The following ZFP91 variants were observed in gnomAD, a reference collection of about 807,000 sequenced individuals.
ZFP91 encodes the protein E3 ubiquitin-protein ligase ZFP91.
Under a neutral mutation model 63.5 loss-of-function variants are expected in ZFP91, and 7 were observed. The ratio of observed to expected loss-of-function variants is 0.11; its 90% CI spans 0.06 to 0.21. The LOEUF (loss-of-function observed/expected upper bound fraction) is 0.21, where lower values mean the gene tolerates loss of function less well. ZFP91 is among the 10% of genes least tolerant of loss of function. The probability of loss-of-function intolerance (pLI) is 1.00; values close to 1 mark genes in which losing one functional copy is unlikely to be tolerated. For missense variants in ZFP91, 628 were observed against 736.6 expected (o/e 0.85, Z 1.71); for synonymous variants, 330 against 272.1 (o/e 1.21, Z -2.10).
chr11:58,591,820 G>T (rs1855311403), intron 2 of ZFP91, among the ~76,000 whole-genome samples: 2 of 152,174 alleles, frequency 1.3e-5, no homozygotes, highest in African/African-American at 2.4e-5. Flanking sequence ...GATGGAAGTG[G>T]TCCAATGTAG....
Position 58,610,329 on chromosome 11 carries a change from C to T in ZFP91, c.612C>T (p.Gly204=). The change falls in exon 4 of 11, where the codon GGC becomes GGT. Residue 204 remains glycine, a synonymous_variant. Transcript: ENST00000316059. ...GAGAAGAGCATCAGTCTCCAGGTGGCATTAGGTAAAAAAAACATTAATATT... is the reference window on the plus strand; with the variant it reads ...GAGAAGAGCATCAGTCTCCAGGTGGTATTAGGTAAAAAAAACATTAATATT... The part of the protein sequence containing the change: ...DVGEEHQSPG[G]ISSEEEEEEE... The T allele has an allele frequency of 6.3e-7, 1 of 1,586,438 alleles. No individual in the cohort carries two copies. The highest frequency in any genetic ancestry group is 8.5e-7 in the Non-Finnish European group (1 of 1,172,024).
In ZFP91 at chr11:58,584,892, T is replaced by G; in HGVS notation, c.370+8T>G. 1 of 1,519,348 alleles carries G rather than the reference T, an allele frequency of 6.6e-7. No individual in the cohort carries two copies. Among genetic ancestry groups the G allele is most frequent in the Non-Finnish European group, 8.8e-7 (1 of 1,142,552 alleles). The allele number at this position is 1,519,348 out of a possible 1,614,324, so 94.1% of individuals were successfully genotyped here. The stretch of plus-strand genomic sequence containing the variant: ...AAGTAACAACTGATAAAGGTAAGAC[T>G]TGGTCATCCTTACCTCTAGCGTACA... On this transcript the variant is annotated splice_region_variant and intron_variant, in intron 2 of 10. Coordinates refer to ENST00000316059, the MANE Select transcript of ZFP91 (RefSeq NM_053023.5).
intron 2 of ZFP91, among the ~76,000 whole-genome samples, chr11:58,600,944 G>T (rs964345273): frequency 2.0e-5 from 3 of 151,936 alleles, no homozygotes; most frequent in Non-Finnish European, 2.9e-5. Context: ...TATTAATGTG[G>T]GATATTACAT....
intron 2 of ZFP91, among the ~76,000 whole-genome samples, chr11:58,602,973 C>CG (rs1855515013): frequency 6.6e-6 from 1 of 151,604 alleles, no homozygotes; most frequent in African/African-American, 2.4e-5. Context: ...GAGTGAAACT[C>CG]TGTCTCAAAA....
intron 2 of ZFP91, among the ~76,000 whole-genome samples, chr11:58,606,335 G>A (rs2134413915): frequency 6.6e-6 from 1 of 152,262 alleles, no homozygotes; most frequent in South Asian, 2.1e-4. Flanking sequence ...CCAGAGTGCT[G>A]GGATTACAGG....
intron 1 of ZFP91, among the ~76,000 whole-genome samples, chr11:58,579,866 A>T (rs891495489): frequency 2.0e-4 from 30 of 151,742 alleles, no homozygotes; most frequent in African/African-American, 7.0e-4. Context: ...CTTTTGATAC[A>T]CCCCTGCACT....
At chr11:58,615,504 T>C (rs1294656511) in intron 9 of ZFP91, among the ~76,000 whole-genome samples, 1 of 152,280 alleles carries the variant, frequency 6.6e-6, no homozygotes, top group East Asian at 1.9e-4. Flanking sequence ...GTTTTACTTT[T>C]GCAAATTAGT....
In ZFP91 at chr11:58,617,895, C is replaced by T. The variant is rs1000365042; in HGVS notation, c.*189C>T. On this transcript the variant is annotated 3_prime_UTR_variant, in exon 11 of 11. Coordinates refer to ENST00000316059, the MANE Select transcript of ZFP91 (RefSeq NM_053023.5). This position sits in a 1 kb window ranked among gnomAD's most constrained non-coding sequence, Gnocchi z 4.2. ...CATCCCCTGTTCTCCCTCTGTTGCTCCCCTTATAAAATTGATGTTGTCTTT... is the reference window on the plus strand; with the variant it reads ...CATCCCCTGTTCTCCCTCTGTTGCTTCCCTTATAAAATTGATGTTGTCTTT... The T allele has an allele frequency of 4.4e-6, 3 of 687,138 alleles. No individual in the cohort carries two copies. In the African/African-American group the frequency reaches 5.6e-5, roughly 13 times the overall value. 42.6% of individuals were successfully genotyped at this position (687,138 alleles called of 1,614,324 possible).
chr11:58,596,392 T>A (rs1271344331), intron 2 of ZFP91, among the ~76,000 whole-genome samples: 1 of 152,154 alleles, frequency 6.6e-6, no homozygotes, highest in Non-Finnish European at 1.5e-5. Flanking sequence ...TCTCTACAAA[T>A]GTTTCTACAC....
intron 2 of ZFP91, among the ~76,000 whole-genome samples, chr11:58,606,276 A>G (rs911611985): frequency 1.3e-5 from 2 of 152,194 alleles, no homozygotes; most frequent in African/African-American, 4.8e-5. Context: ...CATGTTGGCC[A>G]GGCTGGTCTC....
chr11:58,581,292 T>C (rs1399103849), intron 1 of ZFP91, among the ~76,000 whole-genome samples: 1 of 152,202 alleles, frequency 6.6e-6, no homozygotes, highest in Non-Finnish European at 1.5e-5. Context: ...TATTCTCACC[T>C]ACCCCTTGAA....
chr11:58,609,632 G>A (rs1855624476), intron 2 of ZFP91, among the ~76,000 whole-genome samples, 198 bp from the exon 3 acceptor site: 1 of 152,148 alleles, frequency 6.6e-6, no homozygotes, highest in Non-Finnish European at 1.5e-5. Context: ...GCAACATGAA[G>A]TAATTTCTTT....
intron 2 of ZFP91, among the ~76,000 whole-genome samples, chr11:58,594,167 T>C (rs1294017926): frequency 6.6e-6 from 1 of 152,210 alleles, no homozygotes; most frequent in Non-Finnish European, 1.5e-5. Flanking sequence ...TGGAAGGACC[T>C]TGTTAGACTT....
intron 9 of ZFP91, among the ~76,000 whole-genome samples, chr11:58,616,256 C>T (rs1400979891): frequency 1.3e-5 from 2 of 151,996 alleles, no homozygotes. Context: ...GATCAGTTTT[C>T]TTCTATACAG....
intron 2 of ZFP91, among the ~76,000 whole-genome samples, chr11:58,596,468 A>G (rs1421132296): frequency 1.3e-5 from 2 of 152,222 alleles, no homozygotes; most frequent in African/African-American, 4.8e-5. Flanking sequence ...AAGGAAGTCA[A>G]AAGCAGTCTT....
At chr11:58,590,141 C>T (rs546363501) in intron 2 of ZFP91, among the ~76,000 whole-genome samples, 1 of 152,170 alleles carries the variant, frequency 6.6e-6, no homozygotes, top group Non-Finnish European at 1.5e-5. Context: ...CCATATTCAG[C>T]CAGTACAAAT....
At chr11:58,598,768 G>T (rs729580) in intron 2 of ZFP91, among the ~76,000 whole-genome samples, 8 of 109,428 alleles carry the variant, frequency 7.3e-5, no homozygotes, top group Admixed American at 2.0e-4. Flanking sequence ...GTGTGTGTGT[G>T]TGTGTGTGTG....
chr11:58,579,405 G>T lies in ZFP91; in HGVS notation c.124G>T (p.Ala42Ser). Residue 42 changes from alanine (A) to serine (S), a missense_variant, in exon 1 of 11, where the codon GCA becomes TCA. This residue lies in a region of ZFP91 where 437 missense variants were observed against 380.3 expected (regional missense o/e 1.15). Transcript: ENST00000316059. ...RPPEAVAAAPAGTTSSRVLRG... is the reference protein window; with the variant it reads ...RPPEAVAAAPSGTTSSRVLRG... ...CCCTGAGGCGGTCGCGGCGGCGCCT[G>T]CAGGGACCACTAGCAGCCGCGTGCT... The T allele has an allele frequency of 6.8e-7, 1 of 1,462,416 alleles. No homozygotes were observed. The highest frequency in any genetic ancestry group is 9.0e-7 in the Non-Finnish European group (1 of 1,114,706). 90.6% of individuals were successfully genotyped at this position (1,462,416 alleles called of 1,614,324 possible). A position where few individuals can be genotyped will look rare whatever the true frequency, so the allele number is the denominator to read the frequency against.
intron 5 of ZFP91, chr11:58,611,261 A>G: frequency 4.1e-6 from 2 of 493,398 alleles, no homozygotes; most frequent in Non-Finnish European, 6.9e-6. Context: ...TATTTTGATT[A>G]TATACAAGTT....
Sources: gnomAD v4.1 joint callset for allele counts (sites outside exome capture counted in the v4.1 genomes callset) on GRCh38, gnomAD v4.1.1 for gene constraint, gnomAD v4.1.1 regional missense constraint, Gnocchi (gnomAD v3.1) non-coding constraint, MANE v1.5 for transcripts, NCBI Gene and HGNC (gene_info 2026-07-23, HGNC 2026-07-21) for gene names.